Variants in ARHGAP21 observed in about 807,000 individuals in gnomAD.
ARHGAP21 encodes the protein Rho GTPase activating protein 21, also known as rho GTPase-activating protein 21.
A neutral mutation model predicts 164.6 loss-of-function variants in ARHGAP21; 38 were observed. That is an observed-to-expected ratio of 0.23 (90% confidence interval 0.18 to 0.30). The LOEUF (loss-of-function observed/expected upper bound fraction) is 0.30, where lower values mean the gene tolerates loss of function less well. Ranked by LOEUF, ARHGAP21 falls within the 10% of genes least tolerant of loss-of-function variation. The probability of loss-of-function intolerance (pLI) is 1.00; values close to 1 mark genes in which losing one functional copy is unlikely to be tolerated. For missense variants in ARHGAP21, 1,822 were observed against 2,370.7 expected (o/e 0.77, Z 4.81); for synonymous variants, 766 against 857.9 (o/e 0.89, Z 1.87).
chr10:24,670,352 G>A lies in ARHGAP21; in HGVS notation c.109C>T (p.Leu37=). The part of the protein sequence containing the change: ...DGKEQSETVS[L]SEDETFSWPG... ...CAGGAGAATGTTTCATCTTCAGACAGTGATACAGTTTCACTTTGTTCTTTT... is the reference window on the plus strand; with the variant it reads ...CAGGAGAATGTTTCATCTTCAGACAATGATACAGTTTCACTTTGTTCTTTT... Residue 37 remains leucine, a synonymous_variant, in exon 3 of 26, where the codon CTG becomes TTG. Coordinates refer to ENST00000396432, the MANE Select transcript of ARHGAP21 (RefSeq NM_020824.4). The A allele has an allele frequency of 1.9e-6, 3 of 1,603,662 alleles. No homozygotes were observed. The highest frequency in any genetic ancestry group is 2.6e-6 in the Non-Finnish European group (3 of 1,174,484).
At chr10:24,707,658 C>A (rs1158415206) in intron 2 of ARHGAP21, among the ~76,000 whole-genome samples, 1 of 152,188 alleles carries the variant, frequency 6.6e-6, no homozygotes, top group Non-Finnish European at 1.5e-5. Flanking sequence ...TACAACTCAT[C>A]CCCCTAGTCA....
At chr10:24,610,078 C>G (rs1207782340) in intron 9 of ARHGAP21, among the ~76,000 whole-genome samples, 1 of 152,168 alleles carries the variant, frequency 6.6e-6, no homozygotes. Flanking sequence ...AAAGAACTGA[C>G]TTAAGAAACG....
In ARHGAP21 at chr10:24,607,588, A is replaced by G. The variant is rs1335323722; in HGVS notation, c.2595T>C (p.Pro865=). 1 of 1,614,072 alleles carries G rather than the reference A, an allele frequency of 6.2e-7. No individual in the cohort carries two copies. Among genetic ancestry groups the G allele is most frequent in the East Asian group, 2.2e-5 (1 of 44,884 alleles). ...QLSHDHESVG[P]PSLDAQPNSK... ...AGTTGGGCTGAGCATCCAGGCTAGG[A>G]GGGCCAACAGATTCTGTAATTAATT... Residue 865 remains proline, a synonymous_variant, in exon 11 of 26, where the codon CCT becomes CCC. Coordinates refer to ENST00000396432, the MANE Select transcript of ARHGAP21 (RefSeq NM_020824.4).
At chr10:24,632,314 C>G (rs1835923495) in intron 6 of ARHGAP21, among the ~76,000 whole-genome samples, 1 of 152,074 alleles carries the variant, frequency 6.6e-6, no homozygotes, top group African/African-American at 2.4e-5. Flanking sequence ...AAGTTATGGG[C>G]TGACAAAACA....
At chr10:24,702,583 G>GT (rs915304895) in intron 2 of ARHGAP21, among the ~76,000 whole-genome samples, 31 of 150,534 alleles carry the variant, frequency 2.1e-4, no homozygotes, top group African/African-American at 6.6e-4. Context: ...TTTTTTTTTG[G>GT]TTTTTTGTTT....
chr10:24,658,227 G>T (rs1164946275), intron 4 of ARHGAP21, among the ~76,000 whole-genome samples: 1 of 152,104 alleles, frequency 6.6e-6, no homozygotes, highest in African/African-American at 2.4e-5. Flanking sequence ...ACTGTTGGTG[G>T]GATTGTAAAC....
chr10:24,682,050 T>C (rs1168392442), intron 2 of ARHGAP21, among the ~76,000 whole-genome samples: 1 of 151,896 alleles, frequency 6.6e-6, no homozygotes, highest in South Asian at 2.1e-4. Context: ...GTTAAGAAGA[T>C]TAAATGAGTT....
chr10:24,720,269 A>AT (rs1471218761), intron 2 of ARHGAP21, among the ~76,000 whole-genome samples: 1 of 152,032 alleles, frequency 6.6e-6, no homozygotes, highest in Non-Finnish European at 1.5e-5. Flanking sequence ...AAAAAAAAAA[A>AT]AATCAAATAA....
chr10:24,597,380 T>A, intron 16 of ARHGAP21, 67 bp downstream of exon 16: 1 of 1,558,838 alleles, frequency 6.4e-7, no homozygotes, highest in Middle Eastern at 2.3e-4. Context: ...ACAGAAAACA[T>A]AAACGTACCT....
chr10:24,626,130 A>G (rs1223492762), intron 7 of ARHGAP21, among the ~76,000 whole-genome samples: 1 of 152,204 alleles, frequency 6.6e-6, no homozygotes, highest in African/African-American at 2.4e-5. Flanking sequence ...ATACCCAAGA[A>G]TCTCCAGAGT....
intron 11 of ARHGAP21, among the ~76,000 whole-genome samples, chr10:24,605,113 A>G (rs1012649844): frequency 2.0e-5 from 3 of 152,158 alleles, no homozygotes; most frequent in Non-Finnish European, 4.4e-5. Context: ...ATCTTCAACC[A>G]TATCAGAAGA....
At chr10:24,716,998 T>A (rs1845454181) in intron 2 of ARHGAP21, among the ~76,000 whole-genome samples, 1 of 152,198 alleles carries the variant, frequency 6.6e-6, no homozygotes, top group Non-Finnish European at 1.5e-5. Flanking sequence ...AGGAATCTGA[T>A]TCTGCGAGAC....
At chr10:24,659,868 G>T (rs1246685244) in intron 4 of ARHGAP21, among the ~76,000 whole-genome samples, 1 of 152,198 alleles carries the variant, frequency 6.6e-6, no homozygotes, top group African/African-American at 2.4e-5. Context: ...TTGTAGTCCA[G>T]TTCTGCCACC....
intron 7 of ARHGAP21, chr10:24,629,342 T>C (rs1365034164): frequency 6.6e-6 from 1 of 152,050 alleles, no homozygotes. Context: ...TTAAGCTTAG[T>C]AAAGGAGTTA....
rs542033683 is a variant in ARHGAP21, at chr10:24,663,254, C to CG, written c.268+3730dup. ...CTTAGGATTATCCCTTAATCAACAACGCACAATGCCAGTAAAGCAACCAGA... is the reference window on the plus strand; with the variant it reads ...CTTAGGATTATCCCTTAATCAACAACGGCACAATGCCAGTAAAGCAACCAGA... On this transcript the variant is annotated intron_variant, in intron 4 of 25. Transcript: ENST00000396432. Among the ~76,000 whole-genome samples the CG allele has an allele frequency of 9.3e-3, 1,419 of 152,240 alleles. 15 individuals are homozygous for CG. Among genetic ancestry groups the CG allele is most frequent in the Non-Finnish European group, 0.015 (1,019 of 68,010 alleles).
chr10:24,718,798 C>T, intron 2 of ARHGAP21, among the ~76,000 whole-genome samples: 1 of 151,984 alleles, frequency 6.6e-6, no homozygotes, highest in Admixed American at 6.5e-5. Context: ...AAAATAAGTT[C>T]ATTTGCATTA....
intron 4 of ARHGAP21, among the ~76,000 whole-genome samples, chr10:24,658,928 C>T (rs1367563755): frequency 6.6e-6 from 1 of 152,130 alleles, no homozygotes; most frequent in African/African-American, 2.4e-5. Context: ...GACAAGCACA[C>T]AAAAAGATGC....
intron 2 of ARHGAP21, among the ~76,000 whole-genome samples, chr10:24,699,908 C>T (rs749900634): frequency 4.6e-5 from 7 of 152,184 alleles, no homozygotes; most frequent in Non-Finnish European, 8.8e-5. Flanking sequence ...TCATCACTCA[C>T]AAAATATTCA....
intron 2 of ARHGAP21, among the ~76,000 whole-genome samples, chr10:24,695,232 T>C (rs1192335824): frequency 6.6e-6 from 1 of 152,092 alleles, no homozygotes; most frequent in East Asian, 1.9e-4. Context: ...CCCCTACCCT[T>C]GAGTGTGGGC....
Sources: allele counts gnomAD v4.1 joint callset (sites outside exome capture counted in the v4.1 genomes callset), GRCh38; gene constraint gnomAD v4.1.1; transcripts MANE v1.5; gene names NCBI Gene and HGNC (gene_info 2026-07-23, HGNC 2026-07-21).